Variants in NALF1 observed in about 807,000 individuals in gnomAD.
NALF1 encodes the protein family with sequence similarity 155 member A.
In NALF1, 3 loss-of-function variants were observed where a neutral mutation model predicts 48.4. The ratio of observed to expected loss-of-function variants is 0.06; its 90% CI spans 0.03 to 0.16. The LOEUF (loss-of-function observed/expected upper bound fraction) is 0.16. NALF1 is among the 10% of genes least tolerant of loss of function. The pLI is 1.00. For synonymous variants in NALF1, 262 were observed against 245.7 expected, an observed-to-expected ratio of 1.07 and a Z score of -0.62; for missense variants, 526 against 571.5, an observed-to-expected ratio of 0.92 and a Z score of 0.81.
intron 1 of NALF1, among the ~76,000 whole-genome samples, chr13:107,650,552 A>G (rs1880427160): frequency 6.6e-6 from 1 of 151,972 alleles, no homozygotes; most frequent in Non-Finnish European, 1.5e-5. Context: ...AAGGCATAAG[A>G]ATGATACAAT....
chr13:107,640,023 G>A (rs1880107226), intron 1 of NALF1, among the ~76,000 whole-genome samples: 1 of 151,968 alleles, frequency 6.6e-6, no homozygotes, highest in East Asian at 1.9e-4. Flanking sequence ...GATAAGATAA[G>A]GGCAAATCTT....
At chr13:107,544,555 C>T (rs1877084232) in intron 1 of NALF1, among the ~76,000 whole-genome samples, 1 of 152,132 alleles carries the variant, frequency 6.6e-6, no homozygotes, top group Non-Finnish European at 1.5e-5. Context: ...TGCTGCTAAA[C>T]TTAGACAAGT....
chr13:107,706,772 A>G (rs1422925256), intron 1 of NALF1, among the ~76,000 whole-genome samples: 1 of 152,202 alleles, frequency 6.6e-6, no homozygotes, highest in Non-Finnish European at 1.5e-5. Context: ...TCAACTGTAA[A>G]CATCCTGCTT....
chr13:107,694,703 T>C (rs1881658118), intron 1 of NALF1, among the ~76,000 whole-genome samples: 1 of 152,194 alleles, frequency 6.6e-6, no homozygotes, highest in South Asian at 2.1e-4. Flanking sequence ...CAAAAAATAT[T>C]AATACTGCAT....
intron 2 of NALF1, among the ~76,000 whole-genome samples, chr13:107,176,988 CA>C (rs1316001275): frequency 2.6e-5 from 4 of 151,808 alleles, no homozygotes; most frequent in Admixed American, 1.3e-4. Context: ...AAAACTCCAC[CA>C]AAAAACTGTT....
chr13:107,498,620 G>A (rs1186309212), intron 1 of NALF1, among the ~76,000 whole-genome samples: 1 of 152,130 alleles, frequency 6.6e-6, no homozygotes, highest in East Asian at 1.9e-4. Flanking sequence ...GAATTAAGAA[G>A]TAATTTTAGA....
chr13:107,242,214 C>A (rs1352159064), intron 1 of NALF1, among the ~76,000 whole-genome samples: 1 of 152,324 alleles, frequency 6.6e-6, no homozygotes, highest in East Asian at 1.9e-4. Flanking sequence ...AAAGACCTTG[C>A]GGTTCTAAGC....
At chr13:107,262,634 A>C (rs975915393) in intron 1 of NALF1, among the ~76,000 whole-genome samples, 5 of 152,160 alleles carry the variant, frequency 3.3e-5, no homozygotes, top group African/African-American at 9.7e-5. Flanking sequence ...AATGTAACTT[A>C]TGATAAGAAT....
chr13:107,639,960 T>C (rs2138457271), intron 1 of NALF1, among the ~76,000 whole-genome samples: 1 of 152,306 alleles, frequency 6.6e-6, no homozygotes, highest in South Asian at 2.1e-4. Flanking sequence ...CATCTTATAT[T>C]ACAGCTGTTT....
intron 1 of NALF1, among the ~76,000 whole-genome samples, chr13:107,589,215 T>C (rs1878537745): frequency 6.6e-6 from 1 of 152,086 alleles, no homozygotes; most frequent in South Asian, 2.1e-4. Context: ...TTATGAATAC[T>C]GGCTCACTCG....
At chr13:107,494,384 C>T (rs1875252355) in intron 1 of NALF1, among the ~76,000 whole-genome samples, 1 of 152,022 alleles carries the variant, frequency 6.6e-6, no homozygotes, top group Non-Finnish European at 1.5e-5. Flanking sequence ...TGTTGATAAA[C>T]AGAAAAAAGC....
chr13:107,780,184 A>G (rs1485164604), intron 1 of NALF1, among the ~76,000 whole-genome samples: 1 of 152,138 alleles, frequency 6.6e-6, no homozygotes, highest in Non-Finnish European at 1.5e-5. Flanking sequence ...CCTTGCAGTT[A>G]GCCAATCTCA....
intron 1 of NALF1, among the ~76,000 whole-genome samples, chr13:107,393,641 T>C (rs1883663350): frequency 2.6e-5 from 4 of 152,090 alleles, no homozygotes; most frequent in Admixed American, 1.3e-4. Context: ...TAAAAGGAAA[T>C]AGCTCAATTA....
chr13:107,681,085 G>A (rs1347729116), intron 1 of NALF1, among the ~76,000 whole-genome samples: 2 of 152,034 alleles, frequency 1.3e-5, no homozygotes, highest in East Asian at 3.9e-4. Context: ...TGACAATAAC[G>A]CCATTCCCTG....
intron 1 of NALF1, among the ~76,000 whole-genome samples, chr13:107,702,740 CA>C (rs1284560165): frequency 1.3e-5 from 2 of 152,096 alleles, no homozygotes; most frequent in Non-Finnish European, 2.9e-5. Flanking sequence ...TTTTTCCCCC[CA>C]TGTGTCCCTG....
chr13:107,705,909 A>G (rs1881935767), intron 1 of NALF1, among the ~76,000 whole-genome samples: 1 of 151,956 alleles, frequency 6.6e-6, no homozygotes, highest in Admixed American at 6.6e-5. Context: ...GTTAACTAGT[A>G]TTTTTCCAGC....
intron 1 of NALF1, among the ~76,000 whole-genome samples, chr13:107,213,350 C>T (rs7332896): frequency 0.34 from 51,952 of 151,486 alleles, 9,809 homozygotes; most frequent in Middle Eastern, 0.43. Flanking sequence ...TTTGCAAAGC[C>T]GCCGGCAGAA....
At chr13:107,605,295 T>C (rs1879033509) in intron 1 of NALF1, among the ~76,000 whole-genome samples, 1 of 152,186 alleles carries the variant, frequency 6.6e-6, no homozygotes, top group South Asian at 2.1e-4. Context: ...GTTGAAGCTA[T>C]TACTGTTCAT....
At chr13:107,620,005 A>C (rs1879479800) in intron 1 of NALF1, among the ~76,000 whole-genome samples, 1 of 152,186 alleles carries the variant, frequency 6.6e-6, no homozygotes, top group Non-Finnish European at 1.5e-5. Context: ...TTGTGTGTTC[A>C]TTATTATGTA....
Sources: allele counts gnomAD v4.1 joint callset (sites outside exome capture counted in the v4.1 genomes callset), GRCh38; gene constraint gnomAD v4.1.1; transcripts MANE v1.5; gene names NCBI Gene and HGNC (gene_info 2026-07-23, HGNC 2026-07-21).